Variants in UBE2E2 observed in about 807,000 individuals in gnomAD.
The protein encoded by UBE2E2 is ubiquitin-conjugating enzyme E2 E2.
In UBE2E2, 6 loss-of-function variants were observed where a neutral mutation model predicts 24.7. The ratio of observed to expected loss-of-function variants is 0.24; its 90% CI spans 0.13 to 0.48. The LOEUF (loss-of-function observed/expected upper bound fraction) is 0.48. Among genes scored for constraint, UBE2E2 ranks in the 20% least tolerant of loss-of-function variants. The pLI is 0.99. For missense variants in UBE2E2, 169 were observed against 245.0 expected (o/e 0.69, Z 2.07); for synonymous variants, 104 against 83.6 (o/e 1.24, Z -1.33).
chr3:23,271,022 CTTCTA>C (rs1254019940), intron 3 of UBE2E2: 1 of 456,716 alleles, frequency 2.2e-6, no homozygotes, highest in Admixed American at 2.3e-5. Flanking sequence ...CTTCATCTTA[CTTCTA>C]TTCATTTCTC....
intron 3 of UBE2E2, among the ~76,000 whole-genome samples, chr3:23,402,269 T>C (rs920143052): frequency 2.0e-5 from 3 of 152,220 alleles, no homozygotes; most frequent in Admixed American, 1.3e-4. Context: ...GACTAGAACA[T>C]TATGAAACAA....
rs938529762 is a variant in UBE2E2, at chr3:23,420,863, C to T, written c.228-78745C>T. Among the ~76,000 whole-genome samples the T allele has an allele frequency of 2.0e-5, 3 of 152,236 alleles. No individual in the cohort carries two copies. In the East Asian group the frequency reaches 5.8e-4, roughly 29 times the overall value. Reference sequence around the variant, plus strand: ...TTACTGTATTTAGGCCCACAAAACCCCTAACTAGATATTGCCTATGGGTTA... The same window carrying T: ...TTACTGTATTTAGGCCCACAAAACCTCTAACTAGATATTGCCTATGGGTTA... On this transcript the variant is annotated intron_variant, in intron 3 of 5. Coordinates refer to ENST00000396703, the MANE Select transcript of UBE2E2 (RefSeq NM_152653.4).
intron 3 of UBE2E2, among the ~76,000 whole-genome samples, chr3:23,267,252 A>T (rs4318497): frequency 1.0e-4 from 15 of 148,306 alleles, no homozygotes; most frequent in South Asian, 2.2e-4. Context: ...TTCAAAAAAT[A>T]AATGAATCCA....
At position 23,349,740 on chromosome 3, in the gene UBE2E2, C is replaced by T. The variant is rs554311955; in HGVS notation, c.227+132428C>T. ...AAACAAAGCAGCCAGGAAGCTCAAA[C>T]TGGGTGGAGCCCACCACAGCCCAAG... On this transcript the variant is annotated intron_variant, in intron 3 of 5. Transcript: ENST00000396703. Among the ~76,000 whole-genome samples, 27 of 152,364 alleles carry T rather than the reference C, an allele frequency of 1.8e-4. No individual in the cohort carries two copies. The South Asian group carries it at 3.9e-3, about 22-fold the overall frequency.
At chr3:23,242,198 C>G (rs1038831160) in intron 3 of UBE2E2, among the ~76,000 whole-genome samples, 3 of 152,132 alleles carry the variant, frequency 2.0e-5, no homozygotes, top group Non-Finnish European at 2.9e-5. Context: ...TCCCAAAGCA[C>G]TGGGATTATA....
At chr3:23,410,903 G>A (rs548619658) in intron 3 of UBE2E2, among the ~76,000 whole-genome samples, 15 of 152,224 alleles carry the variant, frequency 9.9e-5, no homozygotes, top group African/African-American at 3.6e-4. Context: ...CAAAACGCTT[G>A]AAAAACACTT....
At chr3:23,404,021 T>C (rs760266956) in intron 3 of UBE2E2, among the ~76,000 whole-genome samples, 2 of 152,160 alleles carry the variant, frequency 1.3e-5, no homozygotes, top group Admixed American at 6.5e-5. Context: ...TCTGCAGCCA[T>C]GAGCAGGAAC....
intron 3 of UBE2E2, among the ~76,000 whole-genome samples, chr3:23,456,622 G>A (rs1698685309): frequency 6.6e-6 from 1 of 152,212 alleles, no homozygotes; most frequent in South Asian, 2.1e-4. Flanking sequence ...GTGTTTTGAA[G>A]AGAATCTTGT....
intron 3 of UBE2E2, among the ~76,000 whole-genome samples, chr3:23,299,543 C>G (rs7611132): frequency 6.6e-6 from 1 of 151,818 alleles, no homozygotes; most frequent in Non-Finnish European, 1.5e-5. Context: ...CGTTATGTAC[C>G]CAGTAGTCAT....
At chr3:23,479,593 A>G (rs1186151361) in intron 3 of UBE2E2, among the ~76,000 whole-genome samples, 1 of 152,160 alleles carries the variant, frequency 6.6e-6, no homozygotes, top group Non-Finnish European at 1.5e-5. Flanking sequence ...CAGTCTCACC[A>G]TTTGGTGGGT....
intron 5 of UBE2E2, among the ~76,000 whole-genome samples, chr3:23,584,476 G>T (rs995614499): frequency 6.6e-6 from 1 of 151,870 alleles, no homozygotes; most frequent in African/African-American, 2.4e-5. Flanking sequence ...AGTTGTCTGA[G>T]CCTTTTTCCT....
At chr3:23,271,311 G>A (rs1698235011) in intron 3 of UBE2E2, among the ~76,000 whole-genome samples, 1 of 152,146 alleles carries the variant, frequency 6.6e-6, no homozygotes, top group Non-Finnish European at 1.5e-5. Context: ...CCTTCTGGTG[G>A]GTTTGTGGTC....
intron 3 of UBE2E2, 24 bp from the exon 4 acceptor site, chr3:23,499,584 T>C: frequency 6.3e-7 from 1 of 1,599,720 alleles, no homozygotes; most frequent in Non-Finnish European, 8.5e-7. Context: ...TCTAAGCACA[T>C]TTCATTTGTA....
At chr3:23,289,738 G>T (rs185895874) in intron 3 of UBE2E2, among the ~76,000 whole-genome samples, 1 of 152,242 alleles carries the variant, frequency 6.6e-6, no homozygotes, top group East Asian at 1.9e-4. Flanking sequence ...AGTTTTGAAC[G>T]TTCAAGTACT....
intron 3 of UBE2E2, among the ~76,000 whole-genome samples, chr3:23,345,947 C>T (rs1695542990): frequency 2.0e-5 from 3 of 152,168 alleles, no homozygotes; most frequent in Admixed American, 6.5e-5. Flanking sequence ...AAACATCTCA[C>T]CAACGGCAGA....
intron 3 of UBE2E2, among the ~76,000 whole-genome samples, chr3:23,472,368 G>A (rs1007332): frequency 0.029 from 4,398 of 152,218 alleles, 109 homozygotes; most frequent in East Asian, 0.13. Context: ...ATAAGGACTG[G>A]TGAAATTTTG....
rs149599611 is a variant in UBE2E2, at chr3:23,468,523, G to A, written c.228-31085G>A. Among the ~76,000 whole-genome samples, 71 of 152,260 alleles carry A rather than the reference G, an allele frequency of 4.7e-4. No individual in the cohort carries two copies. The Middle Eastern group carries it at 0.01, about 22-fold the overall frequency. Reference sequence around the variant, plus strand: ...AGTTTAGGTATAGTTATACTATATCGAGTACAATACTAACTACCCAGTAAT... The same window carrying A: ...AGTTTAGGTATAGTTATACTATATCAAGTACAATACTAACTACCCAGTAAT... On this transcript the variant is annotated intron_variant, in intron 3 of 5. Transcript: ENST00000396703.
At chr3:23,223,056 G>A (rs866186831) in intron 3 of UBE2E2, among the ~76,000 whole-genome samples, 1 of 116,476 alleles carries the variant, frequency 8.6e-6, no homozygotes, top group Non-Finnish European at 1.6e-5. Context: ...GTCTCTCTCT[G>A]TCACTCAGGC....
chr3:23,527,886 A>G (rs983238344), intron 4 of UBE2E2, among the ~76,000 whole-genome samples: 3 of 150,110 alleles, frequency 2.0e-5, no homozygotes, highest in African/African-American at 7.4e-5. Context: ...GTTCAGCTGT[A>G]TCCTTTGTAA....
Sources: allele counts gnomAD v4.1 joint callset (sites outside exome capture counted in the v4.1 genomes callset), GRCh38; gene constraint gnomAD v4.1.1; transcripts MANE v1.5; gene names NCBI Gene and HGNC (gene_info 2026-07-23, HGNC 2026-07-21).